The following KDM1B variants were observed in gnomAD, a reference collection of about 807,000 sequenced individuals.
KDM1B encodes lysine-specific histone demethylase 2.
Under a neutral mutation model 107.4 loss-of-function variants are expected in KDM1B, and 63 were observed. That is an observed-to-expected ratio of 0.59 (90% CI 0.48 to 0.72). The LOEUF is 0.72. Among genes scored for constraint, KDM1B ranks in the 30% least tolerant of loss-of-function variants. KDM1B has a pLI of 0.00. For missense variants in KDM1B, 749 were observed against 1,020.8 expected (o/e 0.73, Z 3.63); for synonymous variants, 363 against 363.9 (o/e 1.00, Z 0.03).
In KDM1B at chr6:18,212,738, ATTG is replaced by A. The variant is rs2151023764; in HGVS notation, c.1983+137_1983+139del. 7 of 695,190 alleles carry A rather than the reference ATTG, an allele frequency of 1.0e-5. No homozygotes were observed. In the South Asian group the frequency reaches 1.2e-4, roughly 12 times the overall value. 43.1% of individuals were successfully genotyped at this position (695,190 alleles called of 1,614,324 possible). ...CAAGGATTTCCTTTTCATTTGAGTA[ATTG>A]TTCGTGAAGAACACAGAAGAATATT... On this transcript the variant is annotated intron_variant, in intron 18 of 21. Transcript: ENST00000650836. The surrounding 1 kb of genome is among the most constrained non-coding windows in gnomAD (Gnocchi z 5.2).
intron 6 of KDM1B, among the ~76,000 whole-genome samples, chr6:18,166,822 C>T (rs1785328985): frequency 6.6e-6 from 1 of 151,256 alleles, no homozygotes; most frequent in East Asian, 1.9e-4. Context: ...CCACTACACT[C>T]CAGCCTGGAT....
chr6:18,161,573 C>G, intron 4 of KDM1B, 119 bp downstream of exon 4: 1 of 1,080,880 alleles, frequency 9.3e-7, no homozygotes, highest in Non-Finnish European at 1.3e-6. Flanking sequence ...GTCATCTAAT[C>G]TAATAATAGA....
chr6:18,189,519 A>T (rs1787132979), intron 9 of KDM1B, among the ~76,000 whole-genome samples: 1 of 152,244 alleles, frequency 6.6e-6, no homozygotes, highest in African/African-American at 2.4e-5. Flanking sequence ...TGCTTGTAAT[A>T]GTGAAGTAAT....
At chr6:18,178,693 T>C (rs541928474) in intron 7 of KDM1B, among the ~76,000 whole-genome samples, 1 of 152,200 alleles carries the variant, frequency 6.6e-6, no homozygotes, top group Non-Finnish European at 1.5e-5. Context: ...ACCCAGCCAA[T>C]AAAATTTATT....
In KDM1B at chr6:18,209,409, G is replaced by T. The variant is rs1423937028; in HGVS notation, c.1866+1203G>T. On this transcript the variant is annotated intron_variant, in intron 17 of 21. Transcript: ENST00000650836. The surrounding 1 kb of genome is among the most constrained non-coding windows in gnomAD (Gnocchi z 4.3). ...GATTTTCATACAGAAGTAAAGGACT[G>T]CATGTCACATGGGAAAGACAGGTCT... Among the ~76,000 whole-genome samples, 2 of 152,188 alleles carry T rather than the reference G, an allele frequency of 1.3e-5. No individual in the cohort carries two copies. The highest frequency in any genetic ancestry group is 2.9e-5 in the Non-Finnish European group (2 of 68,034).
At chr6:18,165,093 A>C (rs1785207241) in intron 5 of KDM1B, among the ~76,000 whole-genome samples, 1 of 130,634 alleles carries the variant, frequency 7.7e-6, no homozygotes, top group Non-Finnish European at 1.7e-5. Context: ...CATATGGTGC[A>C]TTTTATTCTT....
At chr6:18,174,533 T>C (rs1785866102) in intron 7 of KDM1B, among the ~76,000 whole-genome samples, 2 of 152,130 alleles carry the variant, frequency 1.3e-5, no homozygotes. Context: ...TCTTTAGCGG[T>C]GATTTGTGAA....
intron 7 of KDM1B, among the ~76,000 whole-genome samples, chr6:18,178,203 C>T (rs575826451): frequency 7.1e-4 from 108 of 152,222 alleles, no homozygotes; most frequent in African/African-American, 2.4e-3. Flanking sequence ...CTGCCTCAGC[C>T]TCCTGAGTAG....
At chr6:18,180,385 A>G (rs923774549) in intron 7 of KDM1B, among the ~76,000 whole-genome samples, 3 of 152,186 alleles carry the variant, frequency 2.0e-5, no homozygotes, top group Admixed American at 6.5e-5. Flanking sequence ...TAATATTTAA[A>G]GGAGAGTTCA....
At chr6:18,220,469 C>T (rs1384505608) in intron 21 of KDM1B, among the ~76,000 whole-genome samples, 1 of 152,162 alleles carries the variant, frequency 6.6e-6, no homozygotes, top group Admixed American at 6.5e-5. Flanking sequence ...TCGCTTGAAC[C>T]TGGGAGGCGG....
At chr6:18,219,975 G>C (rs569999730) in intron 21 of KDM1B, among the ~76,000 whole-genome samples, 2 of 152,326 alleles carry the variant, frequency 1.3e-5, no homozygotes, top group East Asian at 3.9e-4. Context: ...GGGGAATGTG[G>C]TGAGGGATGT....
At chr6:18,165,427 G>A (rs938965868) in intron 5 of KDM1B, among the ~76,000 whole-genome samples, 9 of 151,988 alleles carry the variant, frequency 5.9e-5, no homozygotes, top group East Asian at 1.9e-4. Context: ...ACCGTACCCC[G>A]CCGCCTTCTC....
rs440163 is a variant in KDM1B at position 18,186,316 on chromosome 6, T to C, written c.573+506T>C. On this transcript the variant is annotated intron_variant, in intron 8 of 21. Transcript: ENST00000650836. The surrounding 1 kb of genome is among the most constrained non-coding windows in gnomAD (Gnocchi z 5.6). ...GCAAAGCTGGTCACATTTCCTCTGTTTTCATAAGACTTTGCTACCTGAGTT... is the reference window on the plus strand; with the variant it reads ...GCAAAGCTGGTCACATTTCCTCTGTCTTCATAAGACTTTGCTACCTGAGTT... Among the ~76,000 whole-genome samples, 15,949 of 152,256 alleles carry C rather than the reference T, an allele frequency of 0.1. 922 individuals are homozygous for C. Among genetic ancestry groups the C allele is most frequent in the South Asian group, 0.22 (1,061 of 4,826 alleles).
intron 6 of KDM1B, among the ~76,000 whole-genome samples, chr6:18,169,955 G>T (rs758566465): frequency 1.3e-5 from 2 of 150,536 alleles, no homozygotes; most frequent in Non-Finnish European, 1.5e-5. Flanking sequence ...TGTTGCCCAG[G>T]CTGGGGTGCA....
At chr6:18,221,825 C>T in intron 21 of KDM1B, 84 bp from the exon 22 acceptor site, 2 of 1,072,692 alleles carry the variant, frequency 1.9e-6, no homozygotes, top group Non-Finnish European at 2.8e-6. Flanking sequence ...TTATGTTAGA[C>T]CAGATAAAGT....
chr6:18,193,194 T>TAA (rs541938365), intron 10 of KDM1B, among the ~76,000 whole-genome samples: 6,981 of 59,732 alleles, frequency 0.12, 307 homozygotes, highest in South Asian at 0.22. Flanking sequence ...AAACTCTGTC[T>TAA]AAAAAAAAAA....
intron 7 of KDM1B, among the ~76,000 whole-genome samples, chr6:18,174,080 G>A (rs1785835262): frequency 6.6e-6 from 1 of 151,950 alleles, no homozygotes; most frequent in African/African-American, 2.4e-5. Context: ...CACTGCGCCC[G>A]GCCCTATCTT....
intron 7 of KDM1B, among the ~76,000 whole-genome samples, chr6:18,182,787 T>TC (rs1786566053): frequency 6.6e-6 from 1 of 152,180 alleles, no homozygotes; most frequent in Admixed American, 6.5e-5. Context: ...CACCTTGGTC[T>TC]CCCAAAGTGC....
rs951441161 is a variant in KDM1B, at chr6:18,215,053, C to T, written c.2156C>T (p.Ala719Val). 3.7e-6 allele frequency: 6 copies of T among 1,613,952 alleles called. No individual in the cohort carries two copies. The highest frequency in any genetic ancestry group is 1.3e-5 in the African/African-American group (1 of 74,934). ...TCTGTGATTGCCGGGGAGGCTGTCG[C>T]ATCCGTGAGGACCCTGGATGACAAA... ...LMSVIAGEAV[A>V]SVRTLDDKQV... The change falls in exon 20 of 22, where the codon GCA becomes GTA. Residue 719 changes from alanine (A) to valine (V), a missense_variant. By Grantham distance (64) the Ala-to-Val change is moderately conservative (BLOSUM62 0). Transcript: ENST00000650836.
Sources: allele counts gnomAD v4.1 joint callset (sites outside exome capture counted in the v4.1 genomes callset), GRCh38; gene constraint gnomAD v4.1.1; non-coding constraint Gnocchi (gnomAD v3.1); transcripts MANE v1.5; gene names NCBI Gene and HGNC (gene_info 2026-07-23, HGNC 2026-07-21).